The following TUT7 variants were observed in gnomAD, a reference collection of about 807,000 sequenced individuals.
TUT7 encodes terminal uridylyl transferase 7.
A neutral mutation model predicts 165.9 loss-of-function variants in TUT7; 33 were observed. The ratio of observed to expected loss-of-function variants is 0.20; its 90% CI spans 0.15 to 0.27. The LOEUF (loss-of-function observed/expected upper bound fraction) is 0.27, where lower values mean the gene tolerates loss of function less well. Ranked by LOEUF, TUT7 falls within the 10% of genes least tolerant of loss-of-function variation. The pLI is 1.00. For missense variants in TUT7, 1,338 were observed against 1,762.3 expected, an observed-to-expected ratio of 0.76 and a Z score of 4.31; for synonymous variants, 552 against 608.1, an observed-to-expected ratio of 0.91 and a Z score of 1.36.
At chr9:86,344,067 T>C (rs1831546264) in intron 5 of TUT7, among the ~76,000 whole-genome samples, 1 of 152,206 alleles carries the variant, frequency 6.6e-6, no homozygotes, top group African/African-American at 2.4e-5. Flanking sequence ...CCCTTATTCT[T>C]ATGAAAGTAT....
intron 3 of TUT7, 27 bp from the exon 4 acceptor site, chr9:86,345,812 G>T: frequency 6.7e-7 from 1 of 1,485,654 alleles, no homozygotes; most frequent in Non-Finnish European, 9.3e-7. Flanking sequence ...TTTATTTAGA[G>T]AGAGACATAA....
At chr9:86,332,726 T>C (rs955533487) in intron 10 of TUT7, among the ~76,000 whole-genome samples, 3 of 152,192 alleles carry the variant, frequency 2.0e-5, no homozygotes, top group Non-Finnish European at 4.4e-5. Context: ...ATTCTGGTAA[T>C]CTATGCTTTT....
At chr9:86,310,852 G>T in intron 17 of TUT7, 43 bp from the exon 18 acceptor site, 1 of 1,134,666 alleles carries the variant, frequency 8.8e-7, no homozygotes, top group Non-Finnish European at 1.3e-6. Context: ...ACAGCAGCTG[G>T]GGATATAAGT....
At chr9:86,297,480 G>A (rs1039891389) in intron 26 of TUT7, among the ~76,000 whole-genome samples, 2 of 152,152 alleles carry the variant, frequency 1.3e-5, no homozygotes, top group African/African-American at 4.8e-5. Context: ...CCTTGGCTAC[G>A]CAAGAATTAG....
intron 12 of TUT7, chr9:86,324,726 A>G (rs964843130): frequency 5.9e-5 from 9 of 152,252 alleles, no homozygotes; most frequent in African/African-American, 2.2e-4. Context: ...TGACTTTGCA[A>G]AGCTGAGAAG....
intron 7 of TUT7, 89 bp from the exon 8 acceptor site, chr9:86,340,194 C>T (rs1831213222): frequency 9.2e-7 from 1 of 1,091,146 alleles, no homozygotes; most frequent in African/African-American, 1.6e-5. Flanking sequence ...CCAGTTGTCC[C>T]TTAGCTGTTG....
At chr9:86,330,703 T>A (rs1474885821) in intron 10 of TUT7, among the ~76,000 whole-genome samples, 2 of 152,192 alleles carry the variant, frequency 1.3e-5, no homozygotes, top group African/African-American at 2.4e-5. Context: ...TCAGAGTTTT[T>A]AACTTTTACA....
At chr9:86,351,760 A>C (rs1832322878) in intron 2 of TUT7, among the ~76,000 whole-genome samples, 1 of 152,210 alleles carries the variant, frequency 6.6e-6, no homozygotes, top group Non-Finnish European at 1.5e-5. Flanking sequence ...ATTTATTTAA[A>C]AGTGCTGGCC....
chr9:86,351,700 G>A (rs1477521413), intron 2 of TUT7, among the ~76,000 whole-genome samples: 1 of 152,094 alleles, frequency 6.6e-6, no homozygotes, highest in African/African-American at 2.4e-5. Flanking sequence ...AAAAGGCATC[G>A]GGTGATCTAG....
chr9:86,349,232 T>A (rs1177503790), intron 2 of TUT7, among the ~76,000 whole-genome samples: 3 of 151,100 alleles, frequency 2.0e-5, no homozygotes, highest in African/African-American at 4.9e-5. Context: ...TGAACCGAGA[T>A]CATGCCATTG....
At chr9:86,295,257 G>A (rs1826213169) in intron 26 of TUT7, among the ~76,000 whole-genome samples, 1 of 151,976 alleles carries the variant, frequency 6.6e-6, no homozygotes, top group South Asian at 2.1e-4. Flanking sequence ...AAATGATGGT[G>A]GGTATGAAAA....
At position 86,329,065 on chromosome 9, in the gene TUT7, C is replaced by T. The variant is rs540894660; in HGVS notation, c.1456-573G>A. On this transcript the variant is annotated intron_variant, in intron 10 of 26. Coordinates refer to ENST00000375963, the MANE Select transcript of TUT7 (RefSeq NM_024617.4). ...GCTAATTAGAAAATAATTTTAAATA[C>T]TATTAATTCTGGGTATGCTGGACAT... 2.6e-5 allele frequency among the ~76,000 whole-genome samples: 4 copies of T among 152,194 alleles called. No homozygotes were observed. In the East Asian group the frequency reaches 7.7e-4, roughly 29 times the overall value.
chr9:86,345,298 C>G, intron 4 of TUT7, 144 bp from the exon 5 acceptor site: 1 of 724,792 alleles, frequency 1.4e-6, no homozygotes, highest in Non-Finnish European at 2.2e-6. Flanking sequence ...TCCTATCAAA[C>G]ATATACATAC....
intron 26 of TUT7, among the ~76,000 whole-genome samples, chr9:86,299,039 G>A (rs1021941560): frequency 6.6e-6 from 1 of 152,262 alleles, no homozygotes; most frequent in Non-Finnish European, 1.5e-5. Context: ...CACCACACCC[G>A]CGCAGGACAG....
At chr9:86,295,154 C>G (rs545254023) in intron 26 of TUT7, among the ~76,000 whole-genome samples, 1 of 151,838 alleles carries the variant, frequency 6.6e-6, no homozygotes, top group Non-Finnish European at 1.5e-5. Context: ...TCATCTTATG[C>G]TGAAATTCTG....
At chr9:86,317,143 T>C (rs1317487722) in intron 17 of TUT7, 76 bp downstream of exon 17, 5 of 1,334,134 alleles carry the variant, frequency 3.7e-6, no homozygotes, top group Non-Finnish European at 2.1e-6. Context: ...AAATACCCCA[T>C]GGATACCAAG....
chr9:86,329,546 A>G (rs1439133017), intron 10 of TUT7, among the ~76,000 whole-genome samples: 1 of 152,034 alleles, frequency 6.6e-6, no homozygotes, highest in Non-Finnish European at 1.5e-5. Flanking sequence ...ACAAAACAAA[A>G]AACAAACAAA....
At chr9:86,349,562 T>C (rs1832089673) in intron 2 of TUT7, among the ~76,000 whole-genome samples, 1 of 152,034 alleles carries the variant, frequency 6.6e-6, no homozygotes, top group South Asian at 2.1e-4. Context: ...GGTAGTACCG[T>C]ATGTGGGGGG....
chr9:86,324,066 G>A, intron 12 of TUT7, 106 bp from the exon 13 acceptor site: 1 of 1,040,632 alleles, frequency 9.6e-7, no homozygotes, highest in Non-Finnish European at 1.3e-6. Flanking sequence ...AACAAACAAT[G>A]GTAAAATTTA....
Sources: allele counts gnomAD v4.1 joint callset (sites outside exome capture counted in the v4.1 genomes callset), GRCh38; gene constraint gnomAD v4.1.1; transcripts MANE v1.5; gene names NCBI Gene and HGNC (gene_info 2026-07-23, HGNC 2026-07-21).